The following BZW2 variants were observed in gnomAD, a reference collection of about 807,000 sequenced individuals.
The protein encoded by BZW2 is basic leucine zipper and W2 domains 2.
In BZW2, 23 loss-of-function variants were observed where a neutral mutation model predicts 53.2. That is an observed-to-expected ratio of 0.43 (90% confidence interval 0.31 to 0.61). The LOEUF is 0.61. Ranked by LOEUF, BZW2 falls within the 20% of genes least tolerant of loss-of-function variation. BZW2 has a pLI of 0.09. For missense variants in BZW2, 409 were observed against 503.1 expected (o/e 0.81, Z 1.79); for synonymous variants, 227 against 186.4 (o/e 1.22, Z -1.77).
At chr7:16,665,412 T>G in intron 1 of BZW2, 25 bp from the exon 2 acceptor site, 1 of 1,613,894 alleles carries the variant, frequency 6.2e-7, no homozygotes, top group Non-Finnish European at 8.5e-7. Context: ...CTGAAATACA[T>G]AATCTTTATT....
chr7:16,679,110 A>T (rs987837929), intron 3 of BZW2, among the ~76,000 whole-genome samples: 3 of 152,188 alleles, frequency 2.0e-5, no homozygotes, highest in African/African-American at 7.2e-5. Flanking sequence ...GAATTTTGCC[A>T]GGCTGGAATT....
At chr7:16,681,018 C>T (rs1041325794) in intron 3 of BZW2, among the ~76,000 whole-genome samples, 2 of 151,994 alleles carry the variant, frequency 1.3e-5, no homozygotes, top group African/African-American at 2.4e-5. Flanking sequence ...GCAGGAGAAT[C>T]GCTTGAACCG....
Position 16,685,986 on chromosome 7 carries a change from A to G in BZW2, c.487A>G (p.Thr163Ala). The G allele has an allele frequency of 6.3e-7, 1 of 1,596,752 alleles. No homozygotes were observed. Among genetic ancestry groups the G allele is most frequent in the East Asian group, 2.3e-5 (1 of 44,394 alleles). Residue 163 changes from threonine (T) to alanine (A), a missense_variant, in exon 6 of 12, where the codon ACC becomes GCC. This residue lies in a region of BZW2 where 316 missense variants were observed against 366.8 expected (regional missense o/e 0.86). Coordinates refer to ENST00000258761, the MANE Select transcript of BZW2 (RefSeq NM_014038.3). ...MLSGILLGNGTLPATILTSLF... is the reference protein window; with the variant it reads ...MLSGILLGNGALPATILTSLF... Reference sequence around the variant, plus strand: ...GTCGGGGATTCTGCTGGGCAATGGCACCCTGCCCGCCACCATCCTCACCAG... The same window carrying G: ...GTCGGGGATTCTGCTGGGCAATGGCGCCCTGCCCGCCACCATCCTCACCAG...
intron 2 of BZW2, 28 bp from the exon 3 acceptor site, chr7:16,674,384 A>C (rs781187973): frequency 6.8e-7 from 1 of 1,475,814 alleles, no homozygotes; most frequent in Non-Finnish European, 9.2e-7. Flanking sequence ...TATTTATTTG[A>C]CTGTTATTTT....
Position 16,694,978 on chromosome 7 carries a change from CT to C in BZW2, c.799del (p.Ser267LeufsTer17). On this transcript the variant is annotated frameshift_variant, in exon 8 of 12. Transcript: ENST00000258761. LOFTEE classifies it high-confidence loss of function. ...ACTGCAGAAGGAGCTCCAGGAGCGT[CT>C]TTCTCAGGAATGCCCGATCAAGGAG... ...KELQKELQER[L>X]SQECPIKEVV... The C allele has an allele frequency of 6.3e-7, 1 of 1,588,708 alleles. No individual in the cohort carries two copies. Among genetic ancestry groups the C allele is most frequent in the Non-Finnish European group, 8.6e-7 (1 of 1,160,272 alleles).
chr7:16,661,689 GA>G (rs775349676), intron 1 of BZW2, among the ~76,000 whole-genome samples: 3 of 152,100 alleles, frequency 2.0e-5, no homozygotes, highest in Non-Finnish European at 2.9e-5. Context: ...GAGTATCCAA[GA>G]AATGTAGTCT....
Position 16,686,020 on chromosome 7 carries a change from C to A in BZW2, c.521C>A (p.Thr174Asn). 1 of 1,611,756 alleles carries A rather than the reference C, an allele frequency of 6.2e-7. No individual in the cohort carries two copies. The highest frequency in any genetic ancestry group is 8.5e-7 in the Non-Finnish European group (1 of 1,179,210). Residue 174 changes from threonine (T) to asparagine (N), a missense_variant, in exon 6 of 12, where the codon ACC becomes AAC. By Grantham distance (65) the Thr-to-Asn change is moderately conservative (BLOSUM62 0). This residue lies in a region of BZW2 where 316 missense variants were observed against 366.8 expected (regional missense o/e 0.86). Coordinates refer to ENST00000258761, the MANE Select transcript of BZW2 (RefSeq NM_014038.3). ...LPATILTSLF[T>N]DSLVKEGIAA... is the part of the protein sequence containing the mutation. ...GCCACCATCCTCACCAGTCTCTTCA[C>A]CGACAGCTTAGTCAAAGAAGGTAAC...
intron 1 of BZW2, chr7:16,661,318 A>T (rs1387082539): frequency 2.0e-5 from 3 of 152,108 alleles, no homozygotes; most frequent in Non-Finnish European, 4.4e-5. Context: ...CCCAGGTAAG[A>T]CTGATCAGTC....
Position 16,665,296 on chromosome 7 carries a change from T to C in BZW2, c.-7-141T>C, listed in dbSNP as rs570541161. On this transcript the variant is annotated intron_variant, in intron 1 of 11. Transcript: ENST00000258761. Reference sequence around the variant, plus strand: ...ACTCCCACCTGGGCGACAGCGAGACTCTGTCTCAATTGAAAAAAAAAAAGA... The same window carrying C: ...ACTCCCACCTGGGCGACAGCGAGACCCTGTCTCAATTGAAAAAAAAAAAGA... 5 of 999,132 alleles carry C rather than the reference T, an allele frequency of 5.0e-6. No homozygotes were observed. The South Asian group carries it at 7.6e-5, about 15-fold the overall frequency. The allele number at this position is 999,132 out of a possible 1,614,324, so 61.9% of individuals were successfully genotyped here. A position where few individuals can be genotyped will look rare whatever the true frequency, so the allele number is the denominator to read the frequency against.
chr7:16,660,028 T>C (rs1406936627), intron 1 of BZW2, among the ~76,000 whole-genome samples: 31 of 142,516 alleles, frequency 2.2e-4, no homozygotes, highest in Admixed American at 1.8e-3. Flanking sequence ...GGCCCCTTCC[T>C]GTGTCCACGT....
At chr7:16,688,738 A>G (rs1433532672) in intron 6 of BZW2, 2 of 152,236 alleles carry the variant, frequency 1.3e-5, no homozygotes, top group Non-Finnish European at 2.9e-5. Flanking sequence ...AGAAATTTGA[A>G]GTGTTCATAG....
intron 7 of BZW2, among the ~76,000 whole-genome samples, chr7:16,691,981 AGCGTAGTT>A: frequency 6.6e-6 from 1 of 152,328 alleles, no homozygotes; most frequent in Non-Finnish European, 1.5e-5. Context: ...GGGTGAGAAC[AGCGTAGTT>A]GCCTATGCAC....
At chr7:16,698,220 G>A (rs1311768949) in intron 10 of BZW2, 34 bp downstream of exon 10, 3 of 1,612,934 alleles carry the variant, frequency 1.9e-6, no homozygotes, top group Non-Finnish European at 2.5e-6. Flanking sequence ...GTGCTTCTGT[G>A]TTTTGCTGAA....
chr7:16,676,606 T>C (rs914413538), intron 3 of BZW2, among the ~76,000 whole-genome samples: 13 of 152,256 alleles, frequency 8.5e-5, no homozygotes, highest in African/African-American at 2.7e-4. Flanking sequence ...CCTAATTTCA[T>C]CAGTTCTCTA....
At chr7:16,664,109 T>G (rs1782348112) in intron 1 of BZW2, among the ~76,000 whole-genome samples, 1 of 152,190 alleles carries the variant, frequency 6.6e-6, no homozygotes, top group African/African-American at 2.4e-5. Context: ...ACTATCAATA[T>G]CCCTTGAGCA....
intron 5 of BZW2, among the ~76,000 whole-genome samples, chr7:16,683,987 G>A (rs907205245): frequency 7.2e-5 from 11 of 152,130 alleles, no homozygotes; most frequent in African/African-American, 2.7e-4. Flanking sequence ...CAGCCGTCAT[G>A]AATTTATAAG....
At chr7:16,660,334 G>C (rs764786557) in intron 1 of BZW2, among the ~76,000 whole-genome samples, 13 of 151,248 alleles carry the variant, frequency 8.6e-5, no homozygotes, top group Non-Finnish European at 1.6e-4. Context: ...CACGTGGTCG[G>C]GGCTGCAGTG....
At chr7:16,696,851 T>TC in intron 8 of BZW2, 64 bp from the exon 9 acceptor site, 1 of 1,560,426 alleles carries the variant, frequency 6.4e-7, no homozygotes. Context: ...ACTGGGCAGC[T>TC]AGCGGGGAGA....
chr7:16,695,064 T>G, intron 8 of BZW2, 60 bp downstream of exon 8: 1 of 1,429,532 alleles, frequency 7.0e-7, no homozygotes, highest in Non-Finnish European at 9.3e-7. Flanking sequence ...TTACATGGGC[T>G]GTGTAGCAAA....
Sources: gnomAD v4.1 joint callset for allele counts (sites outside exome capture counted in the v4.1 genomes callset) on GRCh38, gnomAD v4.1.1 for gene constraint, gnomAD v4.1.1 regional missense constraint, MANE v1.5 for transcripts, NCBI Gene and HGNC (gene_info 2026-07-23, HGNC 2026-07-21) for gene names.